SDK2: variants seen among roughly 807,000 people sequenced by gnomAD.
The protein encoded by SDK2 is protein sidekick-2.
Under a neutral mutation model 253.9 loss-of-function variants are expected in SDK2, and 105 were observed. The ratio of observed to expected loss-of-function variants is 0.41; its 90% confidence interval spans 0.35 to 0.49. The LOEUF (loss-of-function observed/expected upper bound fraction) is 0.49. Among genes scored for constraint, SDK2 ranks in the 20% least tolerant of loss-of-function variants. The pLI is 0.06. For missense variants in SDK2, 2,608 were observed against 3,003.0 expected, an observed-to-expected ratio of 0.87 and a Z score of 3.07; for synonymous variants, 1,249 against 1,234.9, an observed-to-expected ratio of 1.01 and a Z score of -0.24.
rs149123645 is a variant in SDK2, at chr17:73,440,268, G to A, written c.725+544C>T. 2.5e-3 allele frequency among the ~76,000 whole-genome samples: 387 copies of A among 152,086 alleles called. 2 individuals are homozygous for A. The highest frequency in any genetic ancestry group is 9.1e-3 in the African/African-American group (378 of 41,480). ...TGACAGGCATGTGACACCACACCTG[G>A]CTAATTTTTGTATTTTCAGTAGAGA... On this transcript the variant is annotated intron_variant, in intron 6 of 44. Coordinates refer to ENST00000392650, the MANE Select transcript of SDK2 (RefSeq NM_001144952.2).
chr17:73,539,671 C>G (rs1356754088), intron 1 of SDK2, among the ~76,000 whole-genome samples: 1 of 152,190 alleles, frequency 6.6e-6, no homozygotes, highest in Non-Finnish European at 1.5e-5. Context: ...CAGTGAAGCC[C>G]TCAGTCCTGG....
intron 30 of SDK2, among the ~76,000 whole-genome samples, chr17:73,387,458 G>A (rs141529374): frequency 2.4e-4 from 37 of 152,230 alleles, no homozygotes; most frequent in African/African-American, 7.2e-4. Context: ...CAACCCACTC[G>A]GAATTAAATT....
chr17:73,498,460 C>T (rs938701559), intron 2 of SDK2, among the ~76,000 whole-genome samples: 3 of 152,220 alleles, frequency 2.0e-5, no homozygotes, highest in African/African-American at 7.2e-5. Flanking sequence ...GCTGGCACTG[C>T]CTTTCCGATT....
At chr17:73,614,795 G>GGGGGAGGGAGGGGGACAAGGATTGAAAAA in intron 1 of SDK2, among the ~76,000 whole-genome samples, 1 of 137,706 alleles carries the variant, frequency 7.3e-6, no homozygotes, top group Non-Finnish European at 1.6e-5. Flanking sequence ...GGATTGAAAA[G>GGGGGAGGGAGGGGGACAAGGATTGAAAAA]GGGAAAGGAG....
chr17:73,574,623 T>C (rs1282076501), intron 1 of SDK2, among the ~76,000 whole-genome samples: 1 of 152,182 alleles, frequency 6.6e-6, no homozygotes, highest in Non-Finnish European at 1.5e-5. Context: ...GACAAGGTCC[T>C]CTGTGGGCAC....
At position 73,456,039 on chromosome 17, in the gene SDK2, C is replaced by T. The variant is rs754094362; in HGVS notation, c.346G>A (p.Glu116Lys). ...ACGCTCTGGTGCTTCTCACCTTCCT[C>T]AAAGCTCCCCATGTCTGCAGCCGGG... ...EVQVAYMGSF[E>K]EGEKHQSVSH... Residue 116 changes from glutamate to lysine, a missense_variant, in exon 4 of 45, where the codon GAG becomes AAG. Glu to Lys is a moderately conservative substitution (Grantham distance 56, BLOSUM62 1). This residue lies in a region of SDK2 where 1,505 missense variants were observed against 1,859.1 expected (regional missense o/e 0.81). Coordinates refer to ENST00000392650, the MANE Select transcript of SDK2 (RefSeq NM_001144952.2). 9 of 1,515,454 alleles carry T rather than the reference C, an allele frequency of 5.9e-6. No homozygotes were observed. The highest frequency in any genetic ancestry group is 1.7e-4 in the Middle Eastern group (1 of 5,854). 93.9% of individuals were successfully genotyped at this position (1,515,454 alleles called of 1,614,324 possible).
At chr17:73,461,173 G>A (rs1414907345) in intron 3 of SDK2, among the ~76,000 whole-genome samples, 1 of 152,252 alleles carries the variant, frequency 6.6e-6, no homozygotes, top group Admixed American at 6.5e-5. Flanking sequence ...AGCAAATCCT[G>A]ACAAGACATC....
At chr17:73,377,502 G>C (rs867288188) in intron 36 of SDK2, among the ~76,000 whole-genome samples, 1 of 150,400 alleles carries the variant, frequency 6.6e-6, no homozygotes, top group Non-Finnish European at 1.5e-5. Context: ...TACATGTGTA[G>C]GCCACCACAC....
At chr17:73,531,044 C>T (rs545916740) in intron 1 of SDK2, among the ~76,000 whole-genome samples, 1 of 152,298 alleles carries the variant, frequency 6.6e-6, no homozygotes, top group African/African-American at 2.4e-5. Flanking sequence ...CTTTCCTTCC[C>T]TGCCTTCCTC....
chr17:73,578,479 G>A (rs923441105), intron 1 of SDK2, among the ~76,000 whole-genome samples: 1 of 152,148 alleles, frequency 6.6e-6, no homozygotes, highest in African/African-American at 2.4e-5. Flanking sequence ...TTTTGTTACA[G>A]CATCCCAGAA....
intron 2 of SDK2, among the ~76,000 whole-genome samples, chr17:73,493,886 GA>G (rs2063824167): frequency 6.6e-6 from 1 of 152,062 alleles, no homozygotes; most frequent in Non-Finnish European, 1.5e-5. Context: ...CAGTTTCATA[GA>G]AATGTCCTCC....
intron 1 of SDK2, among the ~76,000 whole-genome samples, chr17:73,596,987 G>A (rs1316980992): frequency 6.6e-6 from 1 of 152,160 alleles, no homozygotes; most frequent in African/African-American, 2.4e-5. Flanking sequence ...GGAGTCCGGC[G>A]CCCTAGGAAT....
At position 73,568,987 on chromosome 17, in the gene SDK2, T is replaced by C. The variant is rs1412414345; in HGVS notation, c.65-61390A>G. ...ACCTATTATGTGCTAATGGCCTTTG[T>C]GTATATTTTCTTAATTTACACTCAT... On this transcript the variant is annotated intron_variant, in intron 1 of 44. Coordinates refer to ENST00000392650, the MANE Select transcript of SDK2 (RefSeq NM_001144952.2). Among the ~76,000 whole-genome samples, 6 of 152,154 alleles carry C rather than the reference T, an allele frequency of 3.9e-5. No homozygotes were observed. In the East Asian group the frequency reaches 1.2e-3, roughly 29 times the overall value.
At chr17:73,635,708 C>T (rs9893510) in intron 1 of SDK2, among the ~76,000 whole-genome samples, 4,225 of 151,816 alleles carry the variant, frequency 0.028, 233 homozygotes, top group African/African-American at 0.098. Flanking sequence ...CTTTAATTGC[C>T]TTTCTTCCCC....
rs529397576 is a variant in SDK2 at position 73,609,528 on chromosome 17, C to G, written c.64+34497G>C. Among the ~76,000 whole-genome samples the G allele has an allele frequency of 6.6e-6, 1 of 152,126 alleles. No individual in the cohort carries two copies. The highest frequency in any genetic ancestry group is 1.5e-5 in the Non-Finnish European group (1 of 68,040). On this transcript the variant is annotated intron_variant, in intron 1 of 44. Transcript: ENST00000392650. The surrounding 1 kb of genome is among the most constrained non-coding windows in gnomAD (Gnocchi z 4.4). ...GAATTAGAGACAGGGGCATTAGCAA[C>G]TTTTTCATGACATTTTGCTGCAAAG...
At chr17:73,422,793 G>T (rs1239599225) in intron 14 of SDK2, among the ~76,000 whole-genome samples, 2 of 152,022 alleles carry the variant, frequency 1.3e-5, no homozygotes, top group Admixed American at 1.3e-4. Flanking sequence ...AGGCTGAGGC[G>T]GGCAGATCAC....
chr17:73,403,156 G>A (rs2063043008), intron 18 of SDK2, among the ~76,000 whole-genome samples: 1 of 152,162 alleles, frequency 6.6e-6, no homozygotes, highest in Non-Finnish European at 1.5e-5. Flanking sequence ...CACAGGTAGG[G>A]GGAAGCTGGT....
At chr17:73,341,052 T>G (rs985389923) in intron 44 of SDK2, among the ~76,000 whole-genome samples, 10 of 150,858 alleles carry the variant, frequency 6.6e-5, no homozygotes, top group Admixed American at 1.3e-4. Context: ...TCTGTTTTTT[T>G]TTTTTTTTTT....
chr17:73,466,677 G>A (rs925767040), intron 3 of SDK2, among the ~76,000 whole-genome samples: 3 of 145,978 alleles, frequency 2.1e-5, no homozygotes, highest in African/African-American at 7.7e-5. Flanking sequence ...TTACACAATG[G>A]CACAGCAGGA....
Sources: allele counts gnomAD v4.1 joint callset (sites outside exome capture counted in the v4.1 genomes callset), GRCh38; gene constraint gnomAD v4.1.1; regional missense constraint gnomAD v4.1.1; non-coding constraint Gnocchi (gnomAD v3.1); transcripts MANE v1.5; gene names NCBI Gene and HGNC (gene_info 2026-07-23, HGNC 2026-07-21).